UBXN2B: variants seen among roughly 807,000 people sequenced by gnomAD.
UBXN2B encodes UBX domain-containing protein 2B.
A neutral mutation model predicts 37.5 loss-of-function variants in UBXN2B; 19 were observed. The observed-to-expected ratio is 0.51, with a 90% CI of 0.35 to 0.74. The LOEUF (loss-of-function observed/expected upper bound fraction) is 0.74. UBXN2B is among the 30% of genes least tolerant of loss of function. The pLI, the probability that UBXN2B is intolerant of heterozygous loss-of-function variation, is 0.01. For synonymous variants in UBXN2B, 145 were observed against 143.8 expected, an observed-to-expected ratio of 1.01 and a Z score of -0.06; for missense variants, 370 against 393.2, an observed-to-expected ratio of 0.94 and a Z score of 0.50.
In UBXN2B at chr8:58,416,872, A is replaced by C; in HGVS notation, c.107A>C (p.Glu36Ala). ...DLQLALAELY[E>A]DEVKCKSSKS... ...TAGTTGGCCTTGGCAGAATTGTATGAAGATGAAGTGAAGTGCAAATCTTCC... is the reference window on the plus strand; with the variant it reads ...TAGTTGGCCTTGGCAGAATTGTATGCAGATGAAGTGAAGTGCAAATCTTCC... Residue 36 changes from glutamate (E) to alanine (A), a missense_variant, in exon 2 of 8, where the codon GAA becomes GCA. Glu to Ala is a moderately radical substitution (Grantham distance 107). Around this residue, in one of 3 missense-constraint regions of UBXN2B, gnomAD observed 197 missense variants for 170.2 expected, o/e 1.16. Transcript: ENST00000399598. The C allele has an allele frequency of 6.2e-7, 1 of 1,612,664 alleles. No individual in the cohort carries two copies. The highest frequency in any genetic ancestry group is 8.5e-7 in the Non-Finnish European group (1 of 1,178,996).
chr8:58,435,945 A>G (rs1808401944), intron 5 of UBXN2B, among the ~76,000 whole-genome samples: 1 of 152,234 alleles, frequency 6.6e-6, no homozygotes. Context: ...GAACTCATAG[A>G]TAATATAATC....
chr8:58,435,807 A>G (rs1051767584), intron 5 of UBXN2B, among the ~76,000 whole-genome samples: 5 of 152,222 alleles, frequency 3.3e-5, no homozygotes, highest in Non-Finnish European at 5.9e-5. Flanking sequence ...ATTATGATCA[A>G]TAAGAGTTTT....
intron 2 of UBXN2B, among the ~76,000 whole-genome samples, chr8:58,427,024 TC>T (rs1808117822): frequency 6.6e-6 from 1 of 152,202 alleles, no homozygotes; most frequent in South Asian, 2.1e-4. Flanking sequence ...CACATAGTCA[TC>T]CCTTGATAAA....
intron 2 of UBXN2B, among the ~76,000 whole-genome samples, chr8:58,421,546 C>T (rs1807924510): frequency 6.6e-6 from 1 of 152,098 alleles, no homozygotes; most frequent in African/African-American, 2.4e-5. Context: ...ATTTGTCATA[C>T]CAACTTTCCA....
Position 58,447,577 on chromosome 8 carries a change from T to C in UBXN2B, c.*26T>C. ...TATTGTTCCTGTCCATGCAGTAGCA[T>C]GTGGGAATAGATGATGTGCCGTATT... is the stretch of plus-strand genomic sequence containing the variant. On this transcript the variant is annotated 3_prime_UTR_variant, in exon 8 of 8. Transcript: ENST00000399598. 2 of 1,562,304 alleles carry C rather than the reference T, an allele frequency of 1.3e-6. No homozygotes were observed. Among genetic ancestry groups the C allele is most frequent in the Non-Finnish European group, 8.7e-7 (1 of 1,149,434 alleles).
intron 6 of UBXN2B, among the ~76,000 whole-genome samples, chr8:58,444,951 G>T (rs1808635284): frequency 1.3e-5 from 2 of 152,140 alleles, no homozygotes; most frequent in Non-Finnish European, 2.9e-5. Context: ...AAGCCCAAAT[G>T]CTCATAGAAC....
chr8:58,416,881 T>A lies in UBXN2B; in HGVS notation c.116T>A (p.Val39Glu). Residue 39 changes from valine (V) to glutamate (E), a missense_variant, in exon 2 of 8, where the codon GTG (valine) becomes GAG (glutamate). Val to Glu is a moderately radical substitution (Grantham distance 121, BLOSUM62 -2). This residue lies in a region of UBXN2B where 197 missense variants were observed against 170.2 expected (regional missense o/e 1.16). Coordinates refer to ENST00000399598, the MANE Select transcript of UBXN2B (RefSeq NM_001077619.2). ...LALAELYEDE[V>E]KCKSSKSNRP... is the part of the protein sequence containing the mutation. The stretch of plus-strand genomic sequence containing the variant: ...TTGGCAGAATTGTATGAAGATGAAG[T>A]GAAGTGCAAATCTTCCAAGTCTAAT... The A allele has an allele frequency of 6.2e-7, 1 of 1,612,834 alleles. No homozygotes were observed. Among genetic ancestry groups the A allele is most frequent in the Non-Finnish European group, 8.5e-7 (1 of 1,179,132 alleles).
intron 2 of UBXN2B, among the ~76,000 whole-genome samples, chr8:58,419,195 G>A (rs1356987979): frequency 6.6e-6 from 1 of 152,168 alleles, no homozygotes; most frequent in Non-Finnish European, 1.5e-5. Context: ...ACAATGTATA[G>A]CAGATTGTTC....
chr8:58,425,282 A>C, intron 2 of UBXN2B: 1 of 1,147,220 alleles, frequency 8.7e-7, no homozygotes, highest in South Asian at 1.2e-5. Context: ...CATTTACTCT[A>C]TCCTCTCTCC....
At chr8:58,438,520 T>G (rs1808471670) in intron 5 of UBXN2B, among the ~76,000 whole-genome samples, 1 of 152,238 alleles carries the variant, frequency 6.6e-6, no homozygotes, top group South Asian at 2.1e-4. Context: ...AGCTTTAAGA[T>G]TTAATGTCTG....
intron 1 of UBXN2B, among the ~76,000 whole-genome samples, chr8:58,412,057 G>A (rs1349501467): frequency 6.6e-6 from 1 of 152,182 alleles, no homozygotes; most frequent in Non-Finnish European, 1.5e-5. Flanking sequence ...ATGTTGTGTA[G>A]GACACTAGTA....
At chr8:58,425,178 T>C in intron 2 of UBXN2B, 1 of 893,668 alleles carries the variant, frequency 1.1e-6, no homozygotes, top group Non-Finnish European at 1.9e-6. Context: ...TAAGTTCTCT[T>C]AGCATATAGT....
intron 6 of UBXN2B, among the ~76,000 whole-genome samples, chr8:58,443,916 T>C (rs944840673): frequency 6.6e-6 from 1 of 152,212 alleles, no homozygotes; most frequent in Admixed American, 6.5e-5. Context: ...TCTGAGCATG[T>C]CTTTTAGTCT....
chr8:58,436,789 A>G (rs1042724804), intron 5 of UBXN2B, among the ~76,000 whole-genome samples: 2 of 152,154 alleles, frequency 1.3e-5, no homozygotes, highest in African/African-American at 4.8e-5. Flanking sequence ...TTTGCCTTCT[A>G]CCATGATTGT....
rs201331612 is a variant in UBXN2B, at chr8:58,434,422, A to G, written c.451A>G (p.Asn151Asp). 55 of 1,503,888 alleles carry G rather than the reference A, an allele frequency of 3.7e-5. No individual in the cohort carries two copies. In the African/African-American group the frequency reaches 6.5e-4, roughly 18 times the overall value. 93.2% of individuals were successfully genotyped at this position (1,503,888 alleles called of 1,614,324 possible). The change falls in exon 5 of 8, where the codon AAT becomes GAT. Residue 151 changes from asparagine (N) to aspartate (D), a missense_variant. Physicochemically the swap from Asn to Asp is conservative, Grantham distance 23. Coordinates refer to ENST00000399598, the MANE Select transcript of UBXN2B (RefSeq NM_001077619.2). ...TCAGATTTTGCTTAAACTGTGGAGC[A>G]ATGGTTTCAGTTTAGATGATGGAGA... ...DVQILLKLWS[N>D]GFSLDDGELR...
chr8:58,432,375 C>CT (rs34018318), intron 3 of UBXN2B, among the ~76,000 whole-genome samples: 2,187 of 81,434 alleles, frequency 0.027, 324 homozygotes, highest in African/African-American at 0.092. Flanking sequence ...TTCTAAATTT[C>CT]TTTTTTTTTT....
chr8:58,426,736 C>T, intron 2 of UBXN2B: 1 of 660,684 alleles, frequency 1.5e-6, no homozygotes, highest in Admixed American at 1.9e-5. Flanking sequence ...GCTCAGGCTC[C>T]ACTGGGCTCG....
At chr8:58,427,448 G>C (rs1166901888) in intron 2 of UBXN2B, among the ~76,000 whole-genome samples, 1 of 152,184 alleles carries the variant, frequency 6.6e-6, no homozygotes, top group African/African-American at 2.4e-5. Flanking sequence ...GGGCAGTAGA[G>C]CCATATGTTG....
chr8:58,415,203 TAAG>T (rs946968881), intron 1 of UBXN2B, among the ~76,000 whole-genome samples: 3 of 152,042 alleles, frequency 2.0e-5, no homozygotes, highest in African/African-American at 7.2e-5. Flanking sequence ...AAAAAGATAT[TAAG>T]AAGATTAGAA....
Sources: gnomAD v4.1 joint callset for allele counts (sites outside exome capture counted in the v4.1 genomes callset) on GRCh38, gnomAD v4.1.1 for gene constraint, gnomAD v4.1.1 regional missense constraint, MANE v1.5 for transcripts, NCBI Gene and HGNC (gene_info 2026-07-23, HGNC 2026-07-21) for gene names.